Variants in STIM1 observed in about 807,000 individuals in gnomAD.
The protein encoded by STIM1 is stromal interaction molecule 1.
In STIM1, 25 loss-of-function variants were observed where a neutral mutation model predicts 74.7. The observed-to-expected ratio is 0.33, with a 90% confidence interval of 0.24 to 0.47. The LOEUF (loss-of-function observed/expected upper bound fraction) is 0.47, where lower values mean the gene tolerates loss of function less well. STIM1 is among the 20% of genes least tolerant of loss of function. The pLI is 1.00. For synonymous variants in STIM1, 328 were observed against 348.8 expected (o/e 0.94, Z 0.66); for missense variants, 728 against 920.8 (o/e 0.79, Z 2.71).
At position 3,988,197 on chromosome 11, in the gene STIM1, C is replaced by T. The variant is rs537949271; in HGVS notation, c.270+20515C>T. On this transcript the variant is annotated intron_variant, in intron 2 of 12. Coordinates refer to ENST00000526596, the MANE Select transcript of STIM1 (RefSeq NM_001382567.1). ...CATGAGGGAAAACTGAGCAGTGAAT[C>T]GAAGTTGCCGTTTGTTCATGGGGAT... is the stretch of plus-strand genomic sequence containing the variant. 1.2e-4 allele frequency among the ~76,000 whole-genome samples: 18 copies of T among 152,200 alleles called. No individual in the cohort carries two copies. The South Asian group carries it at 2.5e-3, about 21-fold the overall frequency.
At chr11:3,930,820 C>T (rs1206340853) in intron 1 of STIM1, among the ~76,000 whole-genome samples, 1 of 152,148 alleles carries the variant, frequency 6.6e-6, no homozygotes, top group Non-Finnish European at 1.5e-5. Context: ...ACTGTGGCTA[C>T]CTTAGGGCCG....
intron 1 of STIM1, among the ~76,000 whole-genome samples, chr11:3,873,418 C>CAAAAAAAAAA (rs1159126517): frequency 1.8e-5 from 1 of 57,134 alleles, no homozygotes; most frequent in African/African-American, 6.2e-5. Flanking sequence ...AGCTCCATTT[C>CAAAAAAAAAA]AAAAAAAAAA....
chr11:3,949,276 G>A (rs2093116855), intron 1 of STIM1, among the ~76,000 whole-genome samples: 2 of 152,134 alleles, frequency 1.3e-5, no homozygotes, highest in African/African-American at 4.8e-5. Context: ...AGGATATTGC[G>A]GGCAGAGGGA....
intron 2 of STIM1, among the ~76,000 whole-genome samples, chr11:3,991,973 GAAAA>G (rs35772913): frequency 2.4e-5 from 2 of 82,142 alleles, no homozygotes; most frequent in African/African-American, 8.0e-5. Context: ...AAAAAAAAAA[GAAAA>G]AAAAAAAAAA....
intron 7 of STIM1, among the ~76,000 whole-genome samples, chr11:4,080,362 T>C (rs1565169896): frequency 6.6e-6 from 1 of 152,196 alleles, no homozygotes. Context: ...TGTCTTCCCA[T>C]CAGACATTTA....
At chr11:3,864,002 G>C (rs988257846) in intron 1 of STIM1, among the ~76,000 whole-genome samples, 2 of 151,982 alleles carry the variant, frequency 1.3e-5, no homozygotes, top group Non-Finnish European at 2.9e-5. Context: ...CATCCCCCGA[G>C]AATAAAGGAG....
chr11:4,086,593 C>G, intron 12 of STIM1, 50 bp downstream of exon 12: 1 of 1,610,966 alleles, frequency 6.2e-7, no homozygotes, highest in African/African-American at 1.3e-5. Flanking sequence ...GGTATCTCTG[C>G]GGCGAATGCG....
chr11:3,892,048 A>T (rs1229508496), intron 1 of STIM1, among the ~76,000 whole-genome samples: 2 of 152,246 alleles, frequency 1.3e-5, no homozygotes, highest in Non-Finnish European at 2.9e-5. Flanking sequence ...AATTTGGTAA[A>T]TGTTTGTTGA....
At chr11:3,886,604 C>T (rs565825121) in intron 1 of STIM1, among the ~76,000 whole-genome samples, 7 of 142,886 alleles carry the variant, frequency 4.9e-5, no homozygotes, top group East Asian at 2.1e-4. Flanking sequence ...AGGAGAATGG[C>T]GTGAACCTGG....
At chr11:3,992,098 T>TTTTTTTTTTTTTG (rs2093621307) in intron 2 of STIM1, among the ~76,000 whole-genome samples, 1 of 137,176 alleles carries the variant, frequency 7.3e-6, no homozygotes, top group African/African-American at 2.6e-5. Flanking sequence ...TGTTTTTTTT[T>TTTTTTTTTTTTTG]TTTTTTTTTT....
intron 1 of STIM1, among the ~76,000 whole-genome samples, chr11:3,939,620 T>C (rs1398761469): frequency 6.6e-6 from 1 of 152,212 alleles, no homozygotes; most frequent in East Asian, 1.9e-4. Context: ...TATTAAGTCA[T>C]TTTAGAGATG....
At chr11:3,907,042 G>C (rs952708287) in intron 1 of STIM1, among the ~76,000 whole-genome samples, 15 of 152,080 alleles carry the variant, frequency 9.9e-5, no homozygotes, top group Non-Finnish European at 2.9e-5. Flanking sequence ...AAGGACAACA[G>C]TAAAGAAGGA....
chr11:3,960,690 C>T (rs2093276051), intron 1 of STIM1, among the ~76,000 whole-genome samples: 1 of 152,158 alleles, frequency 6.6e-6, no homozygotes, highest in Non-Finnish European at 1.5e-5. Context: ...TATAAGGTAT[C>T]CACAATAGTC....
In STIM1 at chr11:3,895,608, CTCTTTCTT is replaced by C. The variant is rs1157112648; in HGVS notation, c.139+39258_139+39265del. Among the ~76,000 whole-genome samples the C allele has an allele frequency of 2.8e-3, 150 of 53,094 alleles. 5 individuals carry two copies. The highest frequency in any genetic ancestry group is 5.6e-3 in the African/African-American group (50 of 8,894). The allele number at this position is 53,094 out of a possible 152,430, so 34.8% of individuals were successfully genotyped here. The stretch of plus-strand genomic sequence containing the variant: ...CGGGAATAGTGTTCTTTCTTTCTCT[CTCTTTCTT>C]TCTTTCTTTCTTTCTTTCTTTCTTT... On this transcript the variant is annotated intron_variant, in intron 1 of 12. Coordinates refer to ENST00000526596, the MANE Select transcript of STIM1 (RefSeq NM_001382567.1).
intron 1 of STIM1, chr11:3,892,406 C>T (rs1213055686): frequency 3.0e-5 from 43 of 1,440,032 alleles, no homozygotes; most frequent in Non-Finnish European, 4.0e-5. Flanking sequence ...GAGTTGTCCA[C>T]AGTCAGCAGT....
intron 1 of STIM1, among the ~76,000 whole-genome samples, chr11:3,955,538 A>G (rs1460469567): frequency 2.0e-5 from 3 of 152,168 alleles, no homozygotes; most frequent in Non-Finnish European, 4.4e-5. Flanking sequence ...GAAATGTTCT[A>G]TATTTTTTAT....
intron 1 of STIM1, among the ~76,000 whole-genome samples, chr11:3,902,408 T>C (rs2092371470): frequency 6.6e-6 from 1 of 152,312 alleles, no homozygotes; most frequent in South Asian, 2.1e-4. Context: ...ATCGGTTTCA[T>C]GCAAGATAAT....
At chr11:3,921,640 A>G (rs2092719296) in intron 1 of STIM1, among the ~76,000 whole-genome samples, 1 of 152,108 alleles carries the variant, frequency 6.6e-6, no homozygotes, top group African/African-American at 2.4e-5. Context: ...TACTCTTTCC[A>G]TCAAGGGGTG....
Position 4,092,854 on chromosome 11 carries a change from G to A in STIM1, c.*1056G>A, listed in dbSNP as rs1200273673. Reference sequence around the variant, plus strand: ...CATTTTCATGTTACTTTGTAGCCTTGGCCAGAGGCTCAAAAAGGACACAAC... The same window carrying A: ...CATTTTCATGTTACTTTGTAGCCTTAGCCAGAGGCTCAAAAAGGACACAAC... On this transcript the variant is annotated 3_prime_UTR_variant, in exon 13 of 13. Transcript: ENST00000526596. The A allele has an allele frequency of 6.6e-6, 1 of 152,182 alleles. No individual in the cohort carries two copies. Among genetic ancestry groups the A allele is most frequent in the Admixed American group, 6.5e-5 (1 of 15,276 alleles). The allele number at this position is 152,182 out of a possible 1,614,324, so 9.4% of individuals were successfully genotyped here. A position where few individuals can be genotyped will look rare whatever the true frequency, so the allele number is the denominator to read the frequency against.
Sources: allele counts gnomAD v4.1 joint callset (sites outside exome capture counted in the v4.1 genomes callset), GRCh38; gene constraint gnomAD v4.1.1; transcripts MANE v1.5; gene names NCBI Gene and HGNC (gene_info 2026-07-23, HGNC 2026-07-21).